The following ERICH1 variants were observed in gnomAD, a reference collection of about 807,000 sequenced individuals.
ERICH1 encodes the protein glutamate rich 1, also known as glutamate-rich protein 1.
In ERICH1, 56 loss-of-function variants were observed where a neutral mutation model predicts 39.6. The ratio of observed to expected loss-of-function variants is 1.41; its 90% CI spans 1.14 to 1.77. The LOEUF is 1.77. Among genes scored for constraint, ERICH1 ranks in the 40% most tolerant of loss-of-function variants. The pLI is 0.00. For missense variants in ERICH1, 826 were observed against 575.4 expected (o/e 1.44, Z -4.45); for synonymous variants, 313 against 223.6 (o/e 1.40, Z -3.57).
At chr8:646,935 A>G (rs1301576759) in intron 3 of ERICH1, among the ~76,000 whole-genome samples, 1 of 69,134 alleles carries the variant, frequency 1.4e-5, no homozygotes, top group East Asian at 3.0e-4. Context: ...TCATGTGGCA[A>G]AGCAATTCAC....
At chr8:622,277 A>G (rs544516670) in intron 3 of ERICH1, among the ~76,000 whole-genome samples, 16 of 151,958 alleles carry the variant, frequency 1.1e-4, no homozygotes, top group Middle Eastern at 3.4e-3. Context: ...GTTTGTATCC[A>G]CCCCCCATTT....
rs758079822 is a variant in ERICH1, at chr8:673,713, GGT to G, written c.637_638del (p.Thr213GlnfsTer14). 10 of 1,614,124 alleles carry G rather than the reference GGT, an allele frequency of 6.2e-6. No individual in the cohort carries two copies. Among genetic ancestry groups the G allele is most frequent in the Non-Finnish European group, 8.5e-6 (10 of 1,179,998 alleles). ...GEACEEDGVDTSEEDPTLAGE... is the reference protein window; with the variant it reads ...GEACEEDGVDXSEEDPTLAGE... ...CGGCCAGTGTCGGGTCTTCCTCGCT[GGT>G]GTCCACACCATCCTCCTCACAAGCC... On this transcript the variant is annotated frameshift_variant, in exon 4 of 6. Transcript: ENST00000262109. LOFTEE classifies it high-confidence loss of function.
At chr8:699,362 T>G (rs1034014164) in intron 2 of ERICH1, among the ~76,000 whole-genome samples, 1 of 152,190 alleles carries the variant, frequency 6.6e-6, no homozygotes, top group African/African-American at 2.4e-5. Flanking sequence ...AGCGGCCTTC[T>G]TCTCTCCTGG....
intron 1 of ERICH1, among the ~76,000 whole-genome samples, chr8:730,700 G>C (rs564517250): frequency 2.0e-5 from 3 of 152,372 alleles, no homozygotes; most frequent in South Asian, 4.1e-4. Context: ...CCGTCTCTCA[G>C]ATGAGGACAC....
chr8:669,732 A>G (rs962386936), intron 4 of ERICH1, among the ~76,000 whole-genome samples: 3 of 152,292 alleles, frequency 2.0e-5, no homozygotes, highest in Non-Finnish European at 4.4e-5. Context: ...GCTTAAAAAA[A>G]GAATCAGACT....
At chr8:692,046 C>T (rs62484176) in intron 3 of ERICH1, among the ~76,000 whole-genome samples, 1 of 152,056 alleles carries the variant, frequency 6.6e-6, no homozygotes, top group East Asian at 1.9e-4. Flanking sequence ...TTCCAAAAGA[C>T]ATTCGAAATA....
chr8:665,243 ACCT>A (rs1188045209), intron 5 of ERICH1, among the ~76,000 whole-genome samples: 2 of 151,048 alleles, frequency 1.3e-5, no homozygotes, highest in African/African-American at 4.9e-5. Flanking sequence ...CATGGCTCCG[ACCT>A]CTGAGCCCAC....
chr8:701,350 G>A (rs1012232499), intron 2 of ERICH1, among the ~76,000 whole-genome samples: 1 of 152,046 alleles, frequency 6.6e-6, no homozygotes, highest in Non-Finnish European at 1.5e-5. Context: ...CCGTACCCAC[G>A]GGTCTACCCT....
chr8:691,562 A>C (rs1002681588), intron 3 of ERICH1, among the ~76,000 whole-genome samples: 1 of 152,278 alleles, frequency 6.6e-6, no homozygotes, highest in Non-Finnish European at 1.5e-5. Flanking sequence ...ATATTCACCC[A>C]GAGGAATTTA....
chr8:673,723 C>T lies in ERICH1; in HGVS notation c.629G>A (p.Gly210Asp), dbSNP rs771529361. The change falls in exon 4 of 6, where the codon GGT (glycine) becomes GAT (aspartate). Residue 210 changes from glycine (G) to aspartate (D), a missense_variant. By Grantham distance (94) the Gly-to-Asp change is moderately conservative. Coordinates refer to ENST00000262109, the MANE Select transcript of ERICH1 (RefSeq NM_207332.3). ...CGGGTCTTCCTCGCTGGTGTCCACA[C>T]CATCCTCCTCACAAGCCTCTCCCAC... ...EGVGEACEED[G>D]VDTSEEDPTL... 1.4e-5 allele frequency: 22 copies of T among 1,614,070 alleles called. No individual in the cohort carries two copies. The Admixed American group carries it at 3.5e-4, about 26-fold the overall frequency.
chr8:719,823 G>A (rs1195891697), intron 1 of ERICH1, among the ~76,000 whole-genome samples: 1 of 152,170 alleles, frequency 6.6e-6, no homozygotes, highest in Non-Finnish European at 1.5e-5. Context: ...CCATCACCCT[G>A]TACTGTCCGG....
intron 3 of ERICH1, among the ~76,000 whole-genome samples, chr8:630,281 G>C (rs12545897): frequency 0.36 from 20,679 of 57,054 alleles, 5,009 homozygotes; most frequent in Admixed American, 0.47. Flanking sequence ...ACAGGCAGAG[G>C]TGACTCACAC....
chr8:698,867 C>T lies in ERICH1; in HGVS notation c.170-6255G>A, dbSNP rs534056057. 6.0e-4 allele frequency among the ~76,000 whole-genome samples: 91 copies of T among 151,820 alleles called. 1 individual carries two copies. The Middle Eastern group carries it at 0.014, about 23-fold the overall frequency. On this transcript the variant is annotated intron_variant, in intron 2 of 5. Coordinates refer to ENST00000262109, the MANE Select transcript of ERICH1 (RefSeq NM_207332.3). ...CCTCCGTCCTCCTCAGGTAGGATGCCACGAAGTAGCATCCTATGGTTGTCT... is the reference window on the plus strand; with the variant it reads ...CCTCCGTCCTCCTCAGGTAGGATGCTACGAAGTAGCATCCTATGGTTGTCT...
At chr8:617,643 C>T (rs1797007846) in intron 3 of ERICH1, among the ~76,000 whole-genome samples, 2 of 147,718 alleles carry the variant, frequency 1.4e-5, no homozygotes, top group Non-Finnish European at 3.0e-5. Flanking sequence ...TTGGTCCATC[C>T]TCACTGCTGA....
intron 3 of ERICH1, among the ~76,000 whole-genome samples, chr8:627,908 C>T (rs905077127): frequency 6.6e-6 from 1 of 152,162 alleles, no homozygotes; most frequent in South Asian, 2.1e-4. Flanking sequence ...CTAGTCCCCT[C>T]GGGAAGGGGA....
chr8:626,644 T>G (rs1431404971), intron 3 of ERICH1: 1 of 158,642 alleles, frequency 6.3e-6, no homozygotes, highest in African/African-American at 2.4e-5. Context: ...AAGGTCCTCC[T>G]AAACATGGAA....
intron 3 of ERICH1, chr8:615,511 C>T: frequency 1.6e-5 from 7 of 434,744 alleles, no homozygotes; most frequent in Non-Finnish European, 2.4e-5. Context: ...ACCATTCCTG[C>T]AAAGGGAAGG....
intron 3 of ERICH1, among the ~76,000 whole-genome samples, chr8:620,938 G>A (rs752273971): frequency 2.0e-4 from 30 of 152,106 alleles, no homozygotes; most frequent in Non-Finnish European, 3.7e-4. Context: ...AGCATCTACA[G>A]AACACTTCAC....
chr8:673,998 T>A lies in ERICH1; in HGVS notation c.354A>T (p.Lys118Asn). ...QPKRRRIRKH[K>N]SKKKFKNPNN... ...TGGGATTTTTAAATTTTTTCTTTGA[T>A]TTATGCTTCCTAATTCTTCTTCTCT... Residue 118 changes from lysine to asparagine, a missense_variant, in exon 4 of 6, where the codon AAA becomes AAT. Coordinates refer to ENST00000262109, the MANE Select transcript of ERICH1 (RefSeq NM_207332.3). 1 of 1,582,572 alleles carries A rather than the reference T, an allele frequency of 6.3e-7. No homozygotes were observed. The highest frequency in any genetic ancestry group is 1.2e-5 in the South Asian group (1 of 85,174).
Sources: gnomAD v4.1 joint callset for allele counts (sites outside exome capture counted in the v4.1 genomes callset) on GRCh38, gnomAD v4.1.1 for gene constraint, MANE v1.5 for transcripts, NCBI Gene and HGNC (gene_info 2026-07-23, HGNC 2026-07-21) for gene names.